Variants in CACNB2 observed in about 807,000 individuals in gnomAD.
CACNB2 encodes voltage-dependent L-type calcium channel subunit beta-2.
CACNB2 carries 42 observed loss-of-function variants against 73.3 expected under a neutral mutation model. That is an observed-to-expected ratio of 0.57 (90% CI 0.45 to 0.74). CACNB2 has a LOEUF of 0.74. Ranked by LOEUF, CACNB2 falls within the 30% of genes least tolerant of loss-of-function variation. The pLI, the probability that CACNB2 is intolerant of heterozygous loss-of-function variation, is 0.00. For missense variants in CACNB2, 940 were observed against 853.0 expected (o/e 1.10, Z -1.27); for synonymous variants, 348 against 310.3 (o/e 1.12, Z -1.28).
intron 6 of CACNB2, 25 bp downstream of exon 6, chr10:18,506,572 AATAC>A (rs753154075): frequency 7.5e-7 from 1 of 1,342,120 alleles, no homozygotes; most frequent in South Asian, 1.2e-5. Context: ...AATGCTGAAT[AATAC>A]ATACTGCATT....
chr10:18,198,276 TAA>T (rs2131299232), intron 2 of CACNB2, among the ~76,000 whole-genome samples: 1 of 151,392 alleles, frequency 6.6e-6, no homozygotes, highest in South Asian at 2.1e-4. Flanking sequence ...GTTAATAGTA[TAA>T]TATATATTTA....
At chr10:18,283,975 GTTATTA>G (rs1205912440) in intron 2 of CACNB2, among the ~76,000 whole-genome samples, 1 of 151,818 alleles carries the variant, frequency 6.6e-6, no homozygotes, top group African/African-American at 2.4e-5. Flanking sequence ...AAATTGTAGT[GTTATTA>G]TTATTCATCA....
Position 18,377,572 on chromosome 10 carries a change from C to T in CACNB2, c.214-24352C>T, listed in dbSNP as rs531498211. 2.8e-3 allele frequency among the ~76,000 whole-genome samples: 431 copies of T among 152,284 alleles called. 2 individuals are homozygous for T. Among genetic ancestry groups the T allele is most frequent in the Non-Finnish European group, 2.5e-3 (173 of 68,026 alleles). ...AAATTTGAATTTCATGTAATTTTCG[C>T]AACATGAGATGTTCTTCTTCTTTTG... is the stretch of plus-strand genomic sequence containing the variant. On this transcript the variant is annotated intron_variant, in intron 2 of 13. Transcript: ENST00000324631.
rs112970044 is a variant in CACNB2, at chr10:18,265,185, C to T, written c.213+114210C>T. ...TTTTTTTTTGAGATGGAGTCTCACT[C>T]TGTTGCCCAGGCTGAAGCGTAGTGG... On this transcript the variant is annotated intron_variant, in intron 2 of 13. Coordinates refer to ENST00000324631, the MANE Select transcript of CACNB2 (RefSeq NM_201596.3). 1.6e-3 allele frequency among the ~76,000 whole-genome samples: 214 copies of T among 134,762 alleles called. 2 individuals carry two copies. The highest frequency in any genetic ancestry group is 5.4e-3 in the African/African-American group (195 of 36,242). 88.4% of individuals were successfully genotyped at this position (134,762 alleles called of 152,430 possible). A position where few individuals can be genotyped will look rare whatever the true frequency, so the allele number is the denominator to read the frequency against.
intron 3 of CACNB2, among the ~76,000 whole-genome samples, chr10:18,442,805 CAG>C (rs1310458862): frequency 6.9e-6 from 1 of 145,722 alleles, no homozygotes; most frequent in African/African-American, 2.5e-5. Flanking sequence ...AGCCTGGTGA[CAG>C]AGCGAGACTC....
chr10:18,517,166 A>T (rs558747462), intron 7 of CACNB2, among the ~76,000 whole-genome samples: 196 of 152,298 alleles, frequency 1.3e-3, no homozygotes, highest in African/African-American at 4.3e-3. Context: ...CATTTACAGA[A>T]CATTTTTCTG....
At chr10:18,351,307 CAATT>C (rs1206692267) in intron 2 of CACNB2, among the ~76,000 whole-genome samples, 1 of 152,022 alleles carries the variant, frequency 6.6e-6, no homozygotes, top group Non-Finnish European at 1.5e-5. Flanking sequence ...GATGAGAAGA[CAATT>C]AATTCTGTGA....
intron 2 of CACNB2, among the ~76,000 whole-genome samples, chr10:18,219,291 C>T (rs140649096): frequency 1.3e-5 from 2 of 152,262 alleles, no homozygotes; most frequent in Non-Finnish European, 2.9e-5. Context: ...TTAAATGACT[C>T]AGCAGTCATT....
chr10:18,240,631 T>C (rs914363), intron 2 of CACNB2, among the ~76,000 whole-genome samples: 64,150 of 152,026 alleles, frequency 0.42, 14,586 homozygotes, highest in Non-Finnish European at 0.5. Context: ...GGCACATTTC[T>C]ACTGTTTCAG....
At chr10:18,312,670 TCTTCATACA>T (rs1472366505) in intron 2 of CACNB2, among the ~76,000 whole-genome samples, 2 of 152,226 alleles carry the variant, frequency 1.3e-5, no homozygotes, top group Non-Finnish European at 2.9e-5. Context: ...CTCTTTTCTG[TCTTCATACA>T]CTGAATTAGA....
intron 7 of CACNB2, chr10:18,515,174 C>A: frequency 2.7e-6 from 2 of 730,512 alleles, no homozygotes; most frequent in South Asian, 1.5e-5. Flanking sequence ...ATTGGCCATC[C>A]AAGATGCTAC....
At position 18,396,198 on chromosome 10, in the gene CACNB2, C is replaced by G. The variant is rs371607784; in HGVS notation, c.214-5726C>G. ...TCTTGAACTCCTGGCCTCAAGTGAT[C>G]TGCCTGCCTCTGCCTCCCAAAGTGC... On this transcript the variant is annotated intron_variant, in intron 2 of 13. Coordinates refer to ENST00000324631, the MANE Select transcript of CACNB2 (RefSeq NM_201596.3). Among the ~76,000 whole-genome samples the G allele has an allele frequency of 3.2e-4, 49 of 152,250 alleles. 1 individual carries two copies. In the East Asian group the frequency reaches 4.6e-3, roughly 14 times the overall value.
At chr10:18,508,534 C>T (rs183611118) in intron 6 of CACNB2, among the ~76,000 whole-genome samples, 13 of 152,108 alleles carry the variant, frequency 8.5e-5, no homozygotes, top group Admixed American at 2.0e-4. Context: ...TGTCACCTTG[C>T]GATAAAGCAG....
chr10:18,232,820 G>T (rs570729895), intron 2 of CACNB2, among the ~76,000 whole-genome samples: 1 of 152,242 alleles, frequency 6.6e-6, no homozygotes, highest in South Asian at 2.1e-4. Context: ...GGGTGCAGTG[G>T]CTCATGCCTG....
At chr10:18,462,712 C>T (rs2047647495) in intron 3 of CACNB2, among the ~76,000 whole-genome samples, 1 of 152,024 alleles carries the variant, frequency 6.6e-6, no homozygotes, top group South Asian at 2.1e-4. Context: ...GTATCTCTTT[C>T]ATTTTTTAGT....
At chr10:18,186,584 G>C (rs2034164522) in intron 2 of CACNB2, among the ~76,000 whole-genome samples, 1 of 152,124 alleles carries the variant, frequency 6.6e-6, no homozygotes, top group South Asian at 2.1e-4. Flanking sequence ...AAGGCAAAGG[G>C]GGAGAAGGCA....
intron 2 of CACNB2, among the ~76,000 whole-genome samples, chr10:18,263,216 T>A (rs1467558143): frequency 6.6e-6 from 1 of 152,114 alleles, no homozygotes; most frequent in East Asian, 1.9e-4. Context: ...TCGAAACCTA[T>A]TTTTTTCCTT....
At chr10:18,492,579 C>T (rs1277845536) in intron 3 of CACNB2, among the ~76,000 whole-genome samples, 3 of 142,678 alleles carry the variant, frequency 2.1e-5, no homozygotes, top group Non-Finnish European at 4.5e-5. Flanking sequence ...CAAGATCGCA[C>T]CACTTCACTC....
intron 2 of CACNB2, among the ~76,000 whole-genome samples, chr10:18,296,649 G>A (rs778613373): frequency 3.3e-5 from 5 of 152,130 alleles, no homozygotes; most frequent in Non-Finnish European, 4.4e-5. Flanking sequence ...ATATTCAAAT[G>A]TGTACCTTTT....
Sources: allele counts gnomAD v4.1 joint callset (sites outside exome capture counted in the v4.1 genomes callset), GRCh38; gene constraint gnomAD v4.1.1; transcripts MANE v1.5; gene names NCBI Gene and HGNC (gene_info 2026-07-23, HGNC 2026-07-21).